The following ADAMTS6 variants were observed in gnomAD, a reference collection of about 807,000 sequenced individuals.
ADAMTS6 encodes the protein A disintegrin and metalloproteinase with thrombospondin motifs 6.
Under a neutral mutation model 144.3 loss-of-function variants are expected in ADAMTS6, and 23 were observed. The ratio of observed to expected loss-of-function variants is 0.16; its 90% CI spans 0.11 to 0.23. The LOEUF is 0.23. Ranked by LOEUF, ADAMTS6 falls within the 10% of genes least tolerant of loss-of-function variation. The pLI is 1.00. For synonymous variants in ADAMTS6, 444 were observed against 457.5 expected, an observed-to-expected ratio of 0.97 and a Z score of 0.38; for missense variants, 999 against 1,379.6, an observed-to-expected ratio of 0.72 and a Z score of 4.37.
chr5:65,352,765 T>G (rs766114064), intron 7 of ADAMTS6, among the ~76,000 whole-genome samples: 1 of 152,116 alleles, frequency 6.6e-6, no homozygotes, highest in African/African-American at 2.4e-5. Flanking sequence ...CTTATCTTGA[T>G]TTCTCTTCCA....
chr5:65,268,173 A>G (rs967898333), intron 12 of ADAMTS6, among the ~76,000 whole-genome samples: 7 of 152,176 alleles, frequency 4.6e-5, no homozygotes, highest in African/African-American at 1.7e-4. Flanking sequence ...TGTGTTTCCT[A>G]TGGAAAGATA....
chr5:65,434,334 A>C (rs957457544), intron 7 of ADAMTS6, among the ~76,000 whole-genome samples: 1 of 152,176 alleles, frequency 6.6e-6, no homozygotes, highest in Admixed American at 6.5e-5. Context: ...TGGTTGCGCA[A>C]GTCTATGAAT....
intron 15 of ADAMTS6, among the ~76,000 whole-genome samples, chr5:65,236,863 C>T: frequency 6.6e-6 from 1 of 151,670 alleles, no homozygotes; most frequent in Non-Finnish European, 1.5e-5. Flanking sequence ...AAAAGAGTAC[C>T]AAAGCCAAAA....
At chr5:65,475,385 G>C (rs1371627209) in intron 1 of ADAMTS6, among the ~76,000 whole-genome samples, 1 of 152,148 alleles carries the variant, frequency 6.6e-6, no homozygotes, top group East Asian at 1.9e-4. Flanking sequence ...ATGTTTAAAA[G>C]ATGATGTTAT....
intron 7 of ADAMTS6, among the ~76,000 whole-genome samples, chr5:65,394,643 G>C (rs955057567): frequency 1.3e-5 from 2 of 152,154 alleles, no homozygotes; most frequent in African/African-American, 4.8e-5. Context: ...TCTCATTCAA[G>C]TTTCCACAGG....
intron 22 of ADAMTS6, among the ~76,000 whole-genome samples, chr5:65,177,767 C>T (rs1458002245): frequency 2.0e-5 from 3 of 152,214 alleles, no homozygotes; most frequent in East Asian, 1.9e-4. Flanking sequence ...TCCATCTGCA[C>T]GTTAAACAAA....
chr5:65,357,789 T>C (rs1283701200), intron 7 of ADAMTS6, among the ~76,000 whole-genome samples: 1 of 151,766 alleles, frequency 6.6e-6, no homozygotes, highest in Non-Finnish European at 1.5e-5. Flanking sequence ...TGAATCATGA[T>C]GAAATACAAA....
In ADAMTS6 at chr5:65,478,137, C is replaced by A. The variant is rs1296736727; in HGVS notation, c.-280+3206G>T. Among the ~76,000 whole-genome samples the A allele has an allele frequency of 4.7e-5, 7 of 149,790 alleles. No individual in the cohort carries two copies. The East Asian group carries it at 1.4e-3, about 29-fold the overall frequency. ...GCGAGGCTCCGTCTCAAAAAAAAAA[C>A]CAAACAAACAAAAAAGGAATTTAAC... is the stretch of plus-strand genomic sequence containing the variant. On this transcript the variant is annotated intron_variant, in intron 1 of 24. Transcript: ENST00000381055.
chr5:65,165,891 TG>T (rs1476054098), intron 24 of ADAMTS6, among the ~76,000 whole-genome samples: 11 of 139,058 alleles, frequency 7.9e-5, no homozygotes, highest in Non-Finnish European at 1.6e-4. Context: ...GCGCTAAACA[TG>T]GAAAGGAACA....
Position 65,473,742 on chromosome 5 carries a change from C to T in ADAMTS6, c.-69G>A, listed in dbSNP as rs1435623556. ...TAAAGAGTCAATACCATACCAAAAT[C>T]GAAGCATAACAATTTTATTTCTTTA... is the stretch of plus-strand genomic sequence containing the variant. On this transcript the variant is annotated 5_prime_UTR_variant, in exon 2 of 25. Coordinates refer to ENST00000381055, the MANE Select transcript of ADAMTS6 (RefSeq NM_197941.4). 8.8e-6 allele frequency: 10 copies of T among 1,141,596 alleles called. No individual in the cohort carries two copies. The East Asian group carries it at 1.2e-4, about 13-fold the overall frequency. 70.7% of individuals were successfully genotyped at this position (1,141,596 alleles called of 1,614,324 possible). A position where few individuals can be genotyped will look rare whatever the true frequency, so the allele number is the denominator to read the frequency against.
chr5:65,444,264 C>A (rs1758095939), intron 7 of ADAMTS6, among the ~76,000 whole-genome samples: 1 of 151,960 alleles, frequency 6.6e-6, no homozygotes, highest in Admixed American at 6.6e-5. Context: ...TGGTGGCAGG[C>A]ACCTGTAATC....
intron 7 of ADAMTS6, among the ~76,000 whole-genome samples, chr5:65,426,769 A>T (rs1756570568): frequency 6.6e-6 from 1 of 152,132 alleles, no homozygotes; most frequent in Non-Finnish European, 1.5e-5. Flanking sequence ...TGAGAAAGTC[A>T]AACATATGTC....
intron 7 of ADAMTS6, among the ~76,000 whole-genome samples, chr5:65,391,452 T>A (rs1752907965): frequency 6.7e-6 from 1 of 149,950 alleles, no homozygotes; most frequent in Non-Finnish European, 1.5e-5. Context: ...ACACACACAC[T>A]TTTTTTTCTC....
At chr5:65,292,516 T>C (rs1329932899) in intron 10 of ADAMTS6, among the ~76,000 whole-genome samples, 4 of 152,048 alleles carry the variant, frequency 2.6e-5, no homozygotes, top group Admixed American at 6.6e-5. Context: ...GAAAGAACTA[T>C]GCATAACAAT....
intron 7 of ADAMTS6, among the ~76,000 whole-genome samples, chr5:65,343,265 G>A (rs1326702632): frequency 6.6e-6 from 1 of 152,020 alleles, no homozygotes; most frequent in African/African-American, 2.4e-5. Flanking sequence ...AACAAAGATG[G>A]AGGCACCATA....
intron 10 of ADAMTS6, 84 bp downstream of exon 10, chr5:65,299,901 C>T (rs1743194360): frequency 6.9e-7 from 1 of 1,439,302 alleles, no homozygotes; most frequent in African/African-American, 1.4e-5. Context: ...ACTCATTATG[C>T]AAAGTTGAAA....
At chr5:65,254,632 G>A (rs1760493741) in intron 14 of ADAMTS6, among the ~76,000 whole-genome samples, 1 of 152,122 alleles carries the variant, frequency 6.6e-6, no homozygotes, top group Non-Finnish European at 1.5e-5. Context: ...TGGGGTGAAC[G>A]GTCATCATGT....
intron 22 of ADAMTS6, among the ~76,000 whole-genome samples, chr5:65,181,642 T>A (rs1754360733): frequency 6.6e-6 from 1 of 152,192 alleles, no homozygotes; most frequent in Non-Finnish European, 1.5e-5. Context: ...ATTTCTCTGT[T>A]ATTATTGTAT....
intron 7 of ADAMTS6, among the ~76,000 whole-genome samples, chr5:65,445,452 C>G (rs1434453717): frequency 1.3e-5 from 2 of 152,184 alleles, no homozygotes; most frequent in Non-Finnish European, 2.9e-5. Flanking sequence ...ATTCTCCTAC[C>G]TCAGCATCCT....
Sources: allele counts gnomAD v4.1 joint callset (sites outside exome capture counted in the v4.1 genomes callset), GRCh38; gene constraint gnomAD v4.1.1; transcripts MANE v1.5; gene names NCBI Gene and HGNC (gene_info 2026-07-23, HGNC 2026-07-21).